AFM: variants seen among roughly 807,000 people sequenced by gnomAD.
AFM encodes the protein afamin, also known as alpha-Alb.
AFM carries 82 observed loss-of-function variants against 68.7 expected under a neutral mutation model. The observed-to-expected ratio is 1.19, with a 90% confidence interval of 1.00 to 1.43. The LOEUF (loss-of-function observed/expected upper bound fraction) is 1.43, where lower values mean the gene tolerates loss of function less well. Among genes scored for constraint, AFM ranks in the 40% most tolerant of loss-of-function variants. The probability of loss-of-function intolerance (pLI) is 0.00; values close to 1 mark genes in which losing one functional copy is unlikely to be tolerated. For missense variants in AFM, 772 were observed against 701.8 expected (o/e 1.10, Z -1.13); for synonymous variants, 250 against 234.2 (o/e 1.07, Z -0.61).
At chr4:73,494,802 T>G (rs1721204903) in intron 8 of AFM, among the ~76,000 whole-genome samples, 1 of 152,124 alleles carries the variant, frequency 6.6e-6, no homozygotes, top group African/African-American at 2.4e-5. Flanking sequence ...CTGCCAGTGA[T>G]TTGGAGCTGA....
rs146426694 is a variant in AFM, at chr4:73,488,716, A to G, written c.800A>G (p.Asp267Gly). ...GTAGAAGATGTTTCTTCCAACTATG[A>G]TGGATGCTGTGAAGGGGATGTTGTG... ...SLVEDVSSNY[D>G]GCCEGDVVQC... Residue 267 changes from aspartate to glycine, a missense_variant, in exon 7 of 15, where the codon GAT (aspartate) becomes GGT (glycine). By Grantham distance (94) the Asp-to-Gly change is moderately conservative. Coordinates refer to ENST00000226355, the MANE Select transcript of AFM (RefSeq NM_001133.2). The G allele has an allele frequency of 4.7e-5, 76 of 1,613,356 alleles. No individual in the cohort carries two copies. In the African/African-American group the frequency reaches 9.6e-4, roughly 20 times the overall value.
In AFM at chr4:73,485,876, G is replaced by T. The variant is rs187546247; in HGVS notation, c.285G>T (p.Gln95His). 9.4e-5 allele frequency: 152 copies of T among 1,613,750 alleles called. 1 individual carries two copies. In the Admixed American group the frequency reaches 2.5e-3, roughly 26 times the overall value. Residue 95 changes from glutamine to histidine, a missense_variant, in exon 4 of 15, where the codon CAG becomes CAT. Gln to His is a conservative substitution (Grantham distance 24, BLOSUM62 0). Transcript: ENST00000226355. ...CTGTTGTATAGAATAATGTTTTACA[G>T]GAAAAAATATGTGCTATGGAGGGGC... ...ECSKLPNNVL[Q>H]EKICAMEGLP...
At chr4:73,502,667 ACT>A (rs942880402) in intron 13 of AFM, among the ~76,000 whole-genome samples, 2 of 152,106 alleles carry the variant, frequency 1.3e-5, no homozygotes, top group Admixed American at 6.6e-5. Context: ...AGGCAGACAA[ACT>A]CACACACGTG....
In AFM at chr4:73,484,007, C is replaced by T; in HGVS notation, c.137+18C>T. The T allele has an allele frequency of 6.7e-7, 1 of 1,498,116 alleles. No homozygotes were observed. Among genetic ancestry groups the T allele is most frequent in the Admixed American group, 2.1e-5 (1 of 47,788 alleles). The allele number at this position is 1,498,116 out of a possible 1,614,324, so 92.8% of individuals were successfully genotyped here. ...GAATACATGTGAGTTGTGCTAAATA[C>T]TTTTTGATGATGATTTTTAAAATGA... On this transcript the variant is annotated intron_variant, in intron 2 of 14. Coordinates refer to ENST00000226355, the MANE Select transcript of AFM (RefSeq NM_001133.2).
chr4:73,492,098 C>A lies in AFM; in HGVS notation c.1058+12C>A, dbSNP rs1157931286. 3.2e-6 allele frequency: 5 copies of A among 1,587,048 alleles called. No homozygotes were observed. The African/African-American group carries it at 4.1e-5, about 13-fold the overall frequency. On this transcript the variant is annotated intron_variant, in intron 8 of 14. Transcript: ENST00000226355. ...ACCTTCTTTGCGAAGTAATATAACT[C>A]TTTATTGAATTTATAAGGGAAACAG...
chr4:73,486,080 T>G lies in AFM; in HGVS notation c.482+7T>G. On this transcript the variant is annotated splice_region_variant and intron_variant, in intron 4 of 14. Coordinates refer to ENST00000226355, the MANE Select transcript of AFM (RefSeq NM_001133.2). ...GAGAATCCCTTTTAAATCAGTAAGT[T>G]TAATCTTAGTAAAAAATGATCCAGT... 1 of 1,604,558 alleles carries G rather than the reference T, an allele frequency of 6.2e-7. No individual in the cohort carries two copies. The highest frequency in any genetic ancestry group is 8.5e-7 in the Non-Finnish European group (1 of 1,172,348).
chr4:73,489,982 T>C (rs1721025675), intron 7 of AFM, among the ~76,000 whole-genome samples: 1 of 151,794 alleles, frequency 6.6e-6, no homozygotes, highest in South Asian at 2.1e-4. Context: ...TCCCGGAACT[T>C]AAAGTGAAAA....
chr4:73,485,838 G>T, intron 3 of AFM, 24 bp from the exon 4 acceptor site: 1 of 1,589,464 alleles, frequency 6.3e-7, no homozygotes, highest in Non-Finnish European at 8.6e-7. Flanking sequence ...ACTAAAAATT[G>T]TCCTTTTCTT....
intron 13 of AFM, among the ~76,000 whole-genome samples, chr4:73,502,805 T>C (rs1362283904): frequency 1.3e-5 from 2 of 152,180 alleles, no homozygotes; most frequent in Admixed American, 6.6e-5. Flanking sequence ...TTAATCAATA[T>C]CTAGCATTTA....
Position 73,503,086 on chromosome 4 carries a change from A to T in AFM, c.*16A>T. On this transcript the variant is annotated 3_prime_UTR_variant, in exon 14 of 15. Coordinates refer to ENST00000226355, the MANE Select transcript of AFM (RefSeq NM_001133.2). ...TGGCAACTGAAGCCAGCTGCTGGAGATATGTAAAGAAAAAAGCACCAAAGG... is the reference window on the plus strand; with the variant it reads ...TGGCAACTGAAGCCAGCTGCTGGAGTTATGTAAAGAAAAAAGCACCAAAGG... 1 of 1,612,640 alleles carries T rather than the reference A, an allele frequency of 6.2e-7. No homozygotes were observed. The highest frequency in any genetic ancestry group is 1.1e-5 in the South Asian group (1 of 91,026).
At chr4:73,488,582 C>T in intron 6 of AFM, 48 bp from the exon 7 acceptor site, 1 of 1,550,764 alleles carries the variant, frequency 6.4e-7, no homozygotes, top group African/African-American at 1.4e-5. Context: ...CCCACTTGTT[C>T]TACTTGCTGT....
At chr4:73,483,127 C>T (rs1720761886) in intron 1 of AFM, among the ~76,000 whole-genome samples, 1 of 152,296 alleles carries the variant, frequency 6.6e-6, no homozygotes, top group African/African-American at 2.4e-5. Context: ...TCCACACAGA[C>T]AGACAGGGTT....
At chr4:73,496,642 T>A (rs115939632) in intron 9 of AFM, among the ~76,000 whole-genome samples, 3,315 of 152,284 alleles carry the variant, frequency 0.022, 49 homozygotes, top group South Asian at 0.051. Context: ...TAAATAACAG[T>A]GTTTGTGTTT....
chr4:73,495,984 T>C (rs1721242016), intron 9 of AFM, among the ~76,000 whole-genome samples: 6 of 152,222 alleles, frequency 3.9e-5, no homozygotes. Context: ...GCATAATTCC[T>C]AGAAAATGTT....
chr4:73,495,611 T>G (rs937164644), intron 9 of AFM, among the ~76,000 whole-genome samples, 179 bp downstream of exon 9: 2 of 152,250 alleles, frequency 1.3e-5, no homozygotes, highest in African/African-American at 4.8e-5. Flanking sequence ...GTTTGGCTGA[T>G]GCATAATGTT....
chr4:73,487,845 G>C (rs778893414), intron 6 of AFM, 24 bp downstream of exon 6: 3 of 1,446,536 alleles, frequency 2.1e-6, no homozygotes, highest in Non-Finnish European at 2.9e-6. Flanking sequence ...TATATGTCTT[G>C]TCTCTGCTTG....
rs907406343 is a variant in AFM at position 73,494,902 on chromosome 4, C to T, written c.1059-398C>T. ...TCTCTCACGAAGACCACATTGTGGGCGGGAAGGAAGCCATATTCCCAGCAT... is the reference window on the plus strand; with the variant it reads ...TCTCTCACGAAGACCACATTGTGGGTGGGAAGGAAGCCATATTCCCAGCAT... On this transcript the variant is annotated intron_variant, in intron 8 of 14. Coordinates refer to ENST00000226355, the MANE Select transcript of AFM (RefSeq NM_001133.2). Among the ~76,000 whole-genome samples the T allele has an allele frequency of 3.9e-4, 59 of 152,098 alleles. 1 individual carries two copies. The highest frequency in any genetic ancestry group is 1.3e-3 in the African/African-American group (54 of 41,424).
Position 73,500,805 on chromosome 4 carries a change from T to A in AFM, c.1646+578T>A, listed in dbSNP as rs941387422. Among the ~76,000 whole-genome samples the A allele has an allele frequency of 3.9e-5, 6 of 152,302 alleles. No homozygotes were observed. The East Asian group carries it at 1.2e-3, about 29-fold the overall frequency. Reference sequence around the variant, plus strand: ...TGGCATAATAAAGGCCTAATATATGTTTTCATTTTTAAATAGAATAATACT... The same window carrying A: ...TGGCATAATAAAGGCCTAATATATGATTTCATTTTTAAATAGAATAATACT... On this transcript the variant is annotated intron_variant, in intron 12 of 14. Transcript: ENST00000226355.
intron 13 of AFM, 99 bp from the exon 14 acceptor site, chr4:73,502,951 T>G: frequency 8.7e-7 from 1 of 1,148,030 alleles, no homozygotes; most frequent in African/African-American, 1.5e-5. Flanking sequence ...GGGAATGATT[T>G]AATTTTCTTC....
Sources: allele counts gnomAD v4.1 joint callset (sites outside exome capture counted in the v4.1 genomes callset), GRCh38; gene constraint gnomAD v4.1.1; transcripts MANE v1.5; gene names NCBI Gene and HGNC (gene_info 2026-07-23, HGNC 2026-07-21).